Variants in SYNE1 observed in about 807,000 individuals in gnomAD.
SYNE1 encodes spectrin repeat containing nuclear envelope protein 1, also known as nesprin-1.
A neutral mutation model predicts 1,111.0 loss-of-function variants in SYNE1; 616 were observed. The ratio of observed to expected loss-of-function variants is 0.55; its 90% CI spans 0.52 to 0.59. The LOEUF is 0.59. Among genes scored for constraint, SYNE1 ranks in the 20% least tolerant of loss-of-function variants. The probability of loss-of-function intolerance (pLI) is 0.00; values close to 1 mark genes in which losing one functional copy is unlikely to be tolerated. For missense variants in SYNE1, 10,006 were observed against 10,417.0 expected (o/e 0.96, Z 1.72); for synonymous variants, 3,855 against 3,825.8 (o/e 1.01, Z -0.28).
intron 62 of SYNE1, among the ~76,000 whole-genome samples, chr6:152,366,160 C>A (rs942410533): frequency 1.2e-4 from 19 of 152,056 alleles, no homozygotes; most frequent in Middle Eastern, 3.4e-3. Context: ...TGGAGAAACC[C>A]CGTCTCTACT....
At chr6:152,141,377 T>G (rs1301652443) in intron 138 of SYNE1, 48 bp from the exon 139 acceptor site, 1 of 1,610,952 alleles carries the variant, frequency 6.2e-7, no homozygotes, top group Non-Finnish European at 8.5e-7. Context: ...TCTTCATGAG[T>G]GCAAAAGCTT....
Position 152,433,886 on chromosome 6 carries a change from G to A in SYNE1, c.4370C>T (p.Thr1457Ile). Residue 1457 changes from threonine (T) to isoleucine (I), a missense_variant, in exon 34 of 146, where the codon ACT becomes ATT. Physicochemically the swap from Thr to Ile is moderately conservative, Grantham distance 89 (BLOSUM62 -1). This residue lies in a region of SYNE1 where 1,971 missense variants were observed against 2,084.1 expected (regional missense o/e 0.95). Coordinates refer to ENST00000367255, the MANE Select transcript of SYNE1 (RefSeq NM_182961.4). The stretch of plus-strand genomic sequence containing the variant: ...TTTCTCAGTTATCCAGACGGACAGA[G>A]TCTCAAAATTACTGCCAAAATGATC... ...KWDHFGSNFE[T>I]LSVWITEKEK... 6.2e-7 allele frequency: 1 copy of A among 1,613,758 alleles called. No individual in the cohort carries two copies. The highest frequency in any genetic ancestry group is 8.5e-7 in the Non-Finnish European group (1 of 1,179,788).
At chr6:152,211,394 C>T in intron 124 of SYNE1, 100 bp downstream of exon 124, 1 of 982,224 alleles carries the variant, frequency 1.0e-6, no homozygotes, top group Non-Finnish European at 1.6e-6. Flanking sequence ...AGTTCAATTG[C>T]CTCAGGAAGA....
At chr6:152,397,204 G>A (rs2097747462) in intron 49 of SYNE1, among the ~76,000 whole-genome samples, 1 of 152,140 alleles carries the variant, frequency 6.6e-6, no homozygotes. Flanking sequence ...GGCTGAGCTG[G>A]AACCGAGGAC....
Position 152,352,230 on chromosome 6 carries a change from G to T in SYNE1, c.11377C>A (p.His3793Asn), listed in dbSNP as rs780077894. The part of the protein sequence containing the change: ...AERLRKEIHD[H>N]MEQLKELTST... Reference sequence around the variant, plus strand: ...GTCAGTTCCTTCAACTGCTCCATGTGATCATGAATCTCCTTTCTTAACCTC... The same window carrying T: ...GTCAGTTCCTTCAACTGCTCCATGTTATCATGAATCTCCTTTCTTAACCTC... The change falls in exon 70 of 146, where the codon CAC (histidine) becomes AAC (asparagine). Residue 3793 changes from histidine (H) to asparagine (N), a missense_variant. Around this residue, in one of 7 missense-constraint regions of SYNE1, gnomAD observed 4,955 missense variants for 5,017.2 expected, o/e 0.99. Coordinates refer to ENST00000367255, the MANE Select transcript of SYNE1 (RefSeq NM_182961.4). 3.7e-6 allele frequency: 6 copies of T among 1,614,050 alleles called. No individual in the cohort carries two copies. Among genetic ancestry groups the T allele is most frequent in the Non-Finnish European group, 5.1e-6 (6 of 1,180,000 alleles).
chr6:152,339,215 T>A (rs2096478977), intron 75 of SYNE1, 26 bp downstream of exon 75: 1 of 1,611,692 alleles, frequency 6.2e-7, no homozygotes, highest in African/African-American at 1.3e-5. Flanking sequence ...AACAAACAAA[T>A]TCAATGTGAT....
In SYNE1 at chr6:152,353,251, A is replaced by T; in HGVS notation, c.11253+12T>A. 1.2e-6 allele frequency: 2 copies of T among 1,614,168 alleles called. No homozygotes were observed. The highest frequency in any genetic ancestry group is 8.5e-7 in the Non-Finnish European group (1 of 1,180,032). Reference sequence around the variant, plus strand: ...GAAAGGTTGGATACAAATCTGAAGTATGCGTGCCTACCTCCAACGTCTTCA... The same window carrying T: ...GAAAGGTTGGATACAAATCTGAAGTTTGCGTGCCTACCTCCAACGTCTTCA... On this transcript the variant is annotated intron_variant, in intron 69 of 145. Coordinates refer to ENST00000367255, the MANE Select transcript of SYNE1 (RefSeq NM_182961.4).
intron 3 of SYNE1, among the ~76,000 whole-genome samples, chr6:152,575,595 C>T (rs959011409): frequency 6.6e-5 from 10 of 152,222 alleles, no homozygotes; most frequent in Non-Finnish European, 1.3e-4. Flanking sequence ...ATCCAATAGG[C>T]TGTTGTTCCA....
chr6:152,630,143 A>G (rs1158501033), intron 2 of SYNE1, among the ~76,000 whole-genome samples: 1 of 151,900 alleles, frequency 6.6e-6, no homozygotes, highest in Non-Finnish European at 1.5e-5. Flanking sequence ...AAAAAAAAAA[A>G]GATGCAAACC....
intron 145 of SYNE1, 138 bp from the exon 146 acceptor site, chr6:152,122,814 C>T (rs1162556447): frequency 1.5e-6 from 2 of 1,321,938 alleles, no homozygotes; most frequent in African/African-American, 2.9e-5. Flanking sequence ...CAGCCTTCCA[C>T]AGTGTGCCCA....
At chr6:152,421,116 G>A (rs2154188865) in intron 39 of SYNE1, among the ~76,000 whole-genome samples, 2 of 152,260 alleles carry the variant, frequency 1.3e-5, no homozygotes, top group East Asian at 3.9e-4. Flanking sequence ...TGGGAAGATT[G>A]GCCTTATACT....
chr6:152,202,546 C>A (rs79015024), intron 126 of SYNE1, among the ~76,000 whole-genome samples: 1,817 of 151,736 alleles, frequency 0.012, 29 homozygotes, highest in African/African-American at 0.04. Context: ...ATTTTCCCTA[C>A]GAAAATGGAA....
At chr6:152,554,397 C>A (rs984814411) in intron 3 of SYNE1, among the ~76,000 whole-genome samples, 2 of 151,538 alleles carry the variant, frequency 1.3e-5, no homozygotes, top group African/African-American at 4.9e-5. Context: ...TCAAAATGAA[C>A]AAAGTGTTCA....
chr6:152,342,061 G>A (rs1313026034), intron 74 of SYNE1, among the ~76,000 whole-genome samples: 3 of 152,080 alleles, frequency 2.0e-5, no homozygotes, highest in African/African-American at 4.8e-5. Context: ...CCACCACCTC[G>A]AACTCCCTTC....
chr6:152,475,797 G>T (rs1373550918), intron 14 of SYNE1, among the ~76,000 whole-genome samples: 1 of 152,194 alleles, frequency 6.6e-6, no homozygotes, highest in Non-Finnish European at 1.5e-5. Flanking sequence ...CTGCAGGAAT[G>T]GTCTTTATAA....
intron 15 of SYNE1, 118 bp from the exon 16 acceptor site, chr6:152,471,883 G>C (rs1238511155): frequency 1.9e-6 from 2 of 1,026,242 alleles, no homozygotes; most frequent in Non-Finnish European, 2.9e-6. Context: ...TTCTAACTCT[G>C]GCTGATCATT....
intron 3 of SYNE1, among the ~76,000 whole-genome samples, chr6:152,607,130 A>G (rs6910305): frequency 0.1 from 14,882 of 149,526 alleles, 837 homozygotes; most frequent in African/African-American, 0.16. Context: ...GACTACAGGC[A>G]CCAGCCACCA....
chr6:152,342,205 C>T (rs981568930), intron 74 of SYNE1, among the ~76,000 whole-genome samples: 3 of 152,230 alleles, frequency 2.0e-5, no homozygotes, highest in African/African-American at 7.2e-5. Context: ...TGTAGGAAAT[C>T]TCTTCCTGCT....
intron 3 of SYNE1, among the ~76,000 whole-genome samples, chr6:152,543,186 C>A (rs1194790847): frequency 2.6e-5 from 4 of 151,876 alleles, no homozygotes; most frequent in Admixed American, 1.3e-4. Context: ...TTTTTAGAAT[C>A]CTCAAATTAT....
Sources: allele counts gnomAD v4.1 joint callset (sites outside exome capture counted in the v4.1 genomes callset), GRCh38; gene constraint gnomAD v4.1.1; regional missense constraint gnomAD v4.1.1; transcripts MANE v1.5; gene names NCBI Gene and HGNC (gene_info 2026-07-23, HGNC 2026-07-21).